EVI5: variants seen among roughly 807,000 people sequenced by gnomAD.
EVI5 encodes ecotropic viral integration site 5 protein homolog.
In EVI5, 73 loss-of-function variants were observed where a neutral mutation model predicts 112.0. The ratio of observed to expected loss-of-function variants is 0.65; its 90% confidence interval spans 0.54 to 0.79. The LOEUF (loss-of-function observed/expected upper bound fraction) is 0.79. Ranked by LOEUF, EVI5 falls within the 30% of genes least tolerant of loss-of-function variation. The pLI, the probability that EVI5 is intolerant of heterozygous loss-of-function variation, is 0.00. For missense variants in EVI5, 900 were observed against 968.8 expected, an observed-to-expected ratio of 0.93 and a Z score of 0.94; for synonymous variants, 305 against 319.9, an observed-to-expected ratio of 0.95 and a Z score of 0.50.
chr1:92,721,751 G>A (rs768467132), intron 2 of EVI5, among the ~76,000 whole-genome samples: 8 of 151,840 alleles, frequency 5.3e-5, no homozygotes, highest in Non-Finnish European at 1.2e-4. Context: ...GGTATTCTGG[G>A]GTAAATTGTG....
intron 1 of EVI5, among the ~76,000 whole-genome samples, chr1:92,738,607 C>A (rs1677833930): frequency 6.6e-6 from 1 of 152,140 alleles, no homozygotes; most frequent in Non-Finnish European, 1.5e-5. Flanking sequence ...CTGAAATAAT[C>A]AAAAGCACAA....
chr1:92,734,546 C>G (rs1179121891), intron 2 of EVI5, among the ~76,000 whole-genome samples: 1 of 152,162 alleles, frequency 6.6e-6, no homozygotes, highest in Non-Finnish European at 1.5e-5. Flanking sequence ...TCTCCGCTCA[C>G]TGCAAGCTCC....
chr1:92,714,471 G>T (rs1673310701), intron 2 of EVI5, among the ~76,000 whole-genome samples: 1 of 152,132 alleles, frequency 6.6e-6, no homozygotes, highest in East Asian at 1.9e-4. Flanking sequence ...ACAAACCACA[G>T]AAGTAGAGAG....
intron 1 of EVI5, among the ~76,000 whole-genome samples, chr1:92,763,195 G>A (rs1325704902): frequency 4.6e-5 from 7 of 152,102 alleles, no homozygotes; most frequent in Non-Finnish European, 1.0e-4. Flanking sequence ...CTTAAGCCTG[G>A]GAGGTCAAGA....
At chr1:92,715,213 G>C (rs372058086) in intron 2 of EVI5, among the ~76,000 whole-genome samples, 39 of 151,666 alleles carry the variant, frequency 2.6e-4, no homozygotes, top group African/African-American at 8.5e-4. Flanking sequence ...TCACCATATT[G>C]GTCAGGGCTG....
At position 92,695,430 on chromosome 1, in the gene EVI5, T is replaced by C; in HGVS notation, c.789A>G (p.Val263=). ...TATGAAAACTCTGAGATTGAAAATG[T>C]ACAAAGAGCTCTGGAAGATGCTCCT... ...MIQEHLPELF[V]HFQSQSFHTS... The change falls in exon 7 of 20, where the codon GTA becomes GTG. Residue 263 remains valine, a synonymous_variant. Coordinates refer to ENST00000684568, the MANE Select transcript of EVI5 (RefSeq NM_001350197.2). 2 of 1,605,250 alleles carry C rather than the reference T, an allele frequency of 1.2e-6. No individual in the cohort carries two copies. Among genetic ancestry groups the C allele is most frequent in the Non-Finnish European group, 1.7e-6 (2 of 1,173,388 alleles).
At chr1:92,745,987 G>A (rs1409510747) in intron 1 of EVI5, among the ~76,000 whole-genome samples, 2 of 152,146 alleles carry the variant, frequency 1.3e-5, no homozygotes, top group Non-Finnish European at 2.9e-5. Context: ...ACCTAACTTA[G>A]TTGGCAAACT....
intron 2 of EVI5, among the ~76,000 whole-genome samples, chr1:92,722,967 A>C (rs1025480779): frequency 6.6e-6 from 1 of 152,214 alleles, no homozygotes; most frequent in Admixed American, 6.5e-5. Context: ...AAATGATAAG[A>C]AAGCAGTATT....
At chr1:92,753,491 T>C (rs1680497954) in intron 1 of EVI5, among the ~76,000 whole-genome samples, 1 of 152,248 alleles carries the variant, frequency 6.6e-6, no homozygotes, top group Admixed American at 6.5e-5. Flanking sequence ...TAACCCAATA[T>C]ACTCAAAACA....
Position 92,697,849 on chromosome 1 carries a change from T to C in EVI5, c.765+11A>G. On this transcript the variant is annotated intron_variant, in intron 6 of 19. Coordinates refer to ENST00000684568, the MANE Select transcript of EVI5 (RefSeq NM_001350197.2). ...AGGCAATATGCCTTTTTATCAACAC[T>C]GCACTTTTACCTGTATCATACATTC... is the stretch of plus-strand genomic sequence containing the variant. 1.2e-6 allele frequency: 2 copies of C among 1,606,974 alleles called. No homozygotes were observed. The highest frequency in any genetic ancestry group is 1.7e-6 in the Non-Finnish European group (2 of 1,176,854).
At chr1:92,661,841 T>G (rs1664069049) in intron 13 of EVI5, among the ~76,000 whole-genome samples, 1 of 152,196 alleles carries the variant, frequency 6.6e-6, no homozygotes, top group Non-Finnish European at 1.5e-5. Flanking sequence ...TCTATTTGCC[T>G]TCCAGATCTG....
intron 2 of EVI5, among the ~76,000 whole-genome samples, chr1:92,709,904 GA>G (rs1473443613): frequency 1.3e-5 from 2 of 151,946 alleles, no homozygotes; most frequent in African/African-American, 4.8e-5. Context: ...CATGGTGGGG[GA>G]GGGGCGCACT....
At chr1:92,661,860 TCCAGGATTAACACAA>T (rs1664072795) in intron 13 of EVI5, among the ~76,000 whole-genome samples, 1 of 152,146 alleles carries the variant, frequency 6.6e-6, no homozygotes, top group African/African-American at 2.4e-5. Context: ...TGCATAGAGT[TCCAGGATTAACACAA>T]CTTCTTCTGC....
At chr1:92,628,318 C>G (rs1656141081) in intron 14 of EVI5, among the ~76,000 whole-genome samples, 1 of 152,212 alleles carries the variant, frequency 6.6e-6, no homozygotes, top group Admixed American at 6.5e-5. Flanking sequence ...CGTGCAAAAG[C>G]TCCTCAGTTT....
upstream of EVI5, among the ~76,000 whole-genome samples, chr1:92,789,028 A>G (rs1477990528): frequency 1.3e-5 from 2 of 152,112 alleles, no homozygotes; most frequent in Non-Finnish European, 2.9e-5. Flanking sequence ...CTCAATTTAT[A>G]CCCCTGGAAA....
At chr1:92,763,206 C>A (rs940107633) in intron 1 of EVI5, among the ~76,000 whole-genome samples, 1 of 152,116 alleles carries the variant, frequency 6.6e-6, no homozygotes, top group Admixed American at 6.5e-5. Context: ...GAGGTCAAGA[C>A]TGCAGTGAGC....
At chr1:92,783,913 C>T (rs1320303414) in intron 1 of EVI5, among the ~76,000 whole-genome samples, 1 of 151,916 alleles carries the variant, frequency 6.6e-6, no homozygotes, top group African/African-American at 2.4e-5. Context: ...TTACTTACAT[C>T]AGCTCAGAAC....
At chr1:92,702,055 T>A in intron 5 of EVI5, 86 bp downstream of exon 5, 1 of 668,122 alleles carries the variant, frequency 1.5e-6, no homozygotes, top group South Asian at 1.8e-5. Flanking sequence ...TCCACTTACA[T>A]TTAATAAAAC....
rs1241204376 is a variant in EVI5 at position 92,581,970 on chromosome 1, T to C, written c.2071-18233A>G. Among the ~76,000 whole-genome samples the C allele has an allele frequency of 2.0e-5, 3 of 152,206 alleles. No individual in the cohort carries two copies. The East Asian group carries it at 5.8e-4, about 29-fold the overall frequency. Reference sequence around the variant, plus strand: ...GTAAATAAGACAAACAAGGTTCTAATGTAGTCACGACTCGCTTAACAATGG... The same window carrying C: ...GTAAATAAGACAAACAAGGTTCTAACGTAGTCACGACTCGCTTAACAATGG... On this transcript the variant is annotated intron_variant, in intron 18 of 19. Transcript: ENST00000684568.
Sources: allele counts gnomAD v4.1 joint callset (sites outside exome capture counted in the v4.1 genomes callset), GRCh38; gene constraint gnomAD v4.1.1; transcripts MANE v1.5; gene names NCBI Gene and HGNC (gene_info 2026-07-23, HGNC 2026-07-21).